PCDH15: variants seen among roughly 807,000 people sequenced by gnomAD.
PCDH15 encodes protocadherin related 15, also known as protocadherin-15.
In PCDH15, 129 loss-of-function variants were observed where a neutral mutation model predicts 178.5. The ratio of observed to expected loss-of-function variants is 0.72; its 90% CI spans 0.63 to 0.84. PCDH15 has a LOEUF of 0.84. Among genes scored for constraint, PCDH15 ranks in the 40% least tolerant of loss-of-function variants. PCDH15 has a pLI of 0.00. For synonymous variants in PCDH15, 800 were observed against 732.0 expected (o/e 1.09, Z -1.50); for missense variants, 2,230 against 2,099.9 (o/e 1.06, Z -1.21).
intron 27 of PCDH15, among the ~76,000 whole-genome samples, chr10:53,866,012 C>A (rs988002220): frequency 2.0e-5 from 3 of 152,074 alleles, no homozygotes. Context: ...AAGCTAATAT[C>A]AAACTTCCCT....
Position 53,805,576 on chromosome 10 carries a change from A to G in PCDH15, c.*1003T>C, listed in dbSNP as rs1245941146. 7.2e-5 allele frequency: 11 copies of G among 152,078 alleles called. No homozygotes were observed. The highest frequency in any genetic ancestry group is 7.2e-4 in the Admixed American group (11 of 15,232). 9.4% of individuals were successfully genotyped at this position (152,078 alleles called of 1,614,324 possible). On this transcript the variant is annotated 3_prime_UTR_variant, in exon 38 of 38. Coordinates refer to ENST00000644397, the MANE Select transcript of PCDH15 (RefSeq NM_001384140.1). The stretch of plus-strand genomic sequence containing the variant: ...AACCTGAAAATGGAAGAAGTTAAAC[A>G]CAACATTTGAAGTTATGAATTCATA...
At chr10:55,002,759 G>A (rs1839822635) in intron 2 of PCDH15, among the ~76,000 whole-genome samples, 1 of 152,186 alleles carries the variant, frequency 6.6e-6, no homozygotes, top group Non-Finnish European at 1.5e-5. Flanking sequence ...GGGCATGTGA[G>A]ATTGTAAAAG....
intron 2 of PCDH15, among the ~76,000 whole-genome samples, chr10:55,611,459 A>T (rs7478673): frequency 0.34 from 51,864 of 151,876 alleles, 8,919 homozygotes; most frequent in Admixed American, 0.38. Context: ...ATGAGATTTC[A>T]CCTTACTCAT....
intron 15 of PCDH15, among the ~76,000 whole-genome samples, chr10:54,107,624 G>C (rs1184919023): frequency 2.0e-5 from 3 of 152,182 alleles, no homozygotes; most frequent in Non-Finnish European, 4.4e-5. Flanking sequence ...ATTGTTAAGA[G>C]TCTAATGAGG....
chr10:54,775,829 T>C (rs1243851154), intron 1 of PCDH15, among the ~76,000 whole-genome samples: 1 of 152,128 alleles, frequency 6.6e-6, no homozygotes, highest in Non-Finnish European at 1.5e-5. Flanking sequence ...GAGCTTGCAG[T>C]GAGCCGAGAT....
intron 2 of PCDH15, among the ~76,000 whole-genome samples, chr10:55,116,491 T>A (rs865950091): frequency 6.6e-6 from 1 of 152,144 alleles, no homozygotes; most frequent in African/African-American, 2.4e-5. Context: ...CGAAGATTCA[T>A]TGCCCAAGAT....
intron 2 of PCDH15, among the ~76,000 whole-genome samples, chr10:55,443,980 C>T (rs558121528): frequency 3.9e-5 from 6 of 151,958 alleles, no homozygotes; most frequent in African/African-American, 1.5e-4. Context: ...TCATGTCCTT[C>T]GAAGGGAAAT....
intron 15 of PCDH15, among the ~76,000 whole-genome samples, chr10:54,111,132 C>G (rs939073213): frequency 6.6e-6 from 1 of 152,060 alleles, no homozygotes; most frequent in Non-Finnish European, 1.5e-5. Context: ...AAAATTACAG[C>G]CTTTATATAC....
intron 2 of PCDH15, among the ~76,000 whole-genome samples, chr10:55,574,696 T>C (rs1172692478): frequency 6.6e-6 from 1 of 151,718 alleles, no homozygotes; most frequent in Non-Finnish European, 1.5e-5. Context: ...GAAAGAAAAA[T>C]ATGGTGATAG....
rs143399727 is a variant in PCDH15 at position 55,116,060 on chromosome 10, G to A, written c.-80+50516C>T. On this transcript the variant is annotated intron_variant, in intron 2 of 5. Coordinates refer to the PCDH15 transcript ENST00000458638. ...CTTTACCCTATTTAAATAAATTTGAGGACACTGTAATCTTAAGGGATTTGT... is the reference window on the plus strand; with the variant it reads ...CTTTACCCTATTTAAATAAATTTGAAGACACTGTAATCTTAAGGGATTTGT... 9.9e-4 allele frequency among the ~76,000 whole-genome samples: 151 copies of A among 152,196 alleles called. 1 individual carries two copies. The highest frequency in any genetic ancestry group is 5.2e-3 in the Admixed American group (79 of 15,278).
chr10:54,220,820 G>A (rs1028402247), intron 9 of PCDH15, among the ~76,000 whole-genome samples: 3 of 136,702 alleles, frequency 2.2e-5, no homozygotes, highest in South Asian at 2.4e-4. Flanking sequence ...GCGAGACTCC[G>A]TCTCAAAATA....
chr10:54,690,148 C>G (rs2095092510), intron 1 of PCDH15, among the ~76,000 whole-genome samples: 2 of 152,230 alleles, frequency 1.3e-5, no homozygotes, highest in African/African-American at 2.4e-5. Context: ...GCTGTCATAA[C>G]ATTATAACAC....
chr10:54,731,563 T>TACACACACAC lies in PCDH15; in HGVS notation c.-28-67283_-28-67274dup, dbSNP rs1159070523. Reference sequence around the variant, plus strand: ...TGAGATAGATATATATATATATATATACACACACACACACACACACACACA... The same window carrying TACACACACAC: ...TGAGATAGATATATATATATATATATACACACACACACACACACACACACACACACACACA... On this transcript the variant is annotated intron_variant, in intron 1 of 37. Transcript: ENST00000644397. Among the ~76,000 whole-genome samples the TACACACACAC allele has an allele frequency of 3.1e-3, 155 of 49,926 alleles. 4 individuals carry two copies. Among genetic ancestry groups the TACACACACAC allele is most frequent in the African/African-American group, 9.1e-3 (140 of 15,436 alleles). 32.8% of individuals were successfully genotyped at this position (49,926 alleles called of 152,430 possible).
intron 2 of PCDH15, among the ~76,000 whole-genome samples, chr10:54,953,636 T>C (rs1292447555): frequency 2.0e-5 from 3 of 151,302 alleles, no homozygotes; most frequent in Non-Finnish European, 4.5e-5. Context: ...TCACTTCTAA[T>C]AGTCTAAAAT....
chr10:53,927,646 A>C (rs1178651990), intron 25 of PCDH15, among the ~76,000 whole-genome samples: 1 of 152,156 alleles, frequency 6.6e-6, no homozygotes, highest in Non-Finnish European at 1.5e-5. Flanking sequence ...AACATAATTT[A>C]CTAGACAAAT....
At chr10:54,555,561 C>A (rs980765539) in intron 2 of PCDH15, among the ~76,000 whole-genome samples, 1 of 136,220 alleles carries the variant, frequency 7.3e-6, no homozygotes, top group Non-Finnish European at 1.6e-5. Flanking sequence ...GAAACCCCCT[C>A]TCTACTAAAA....
chr10:54,335,932 T>C (rs906685570), intron 6 of PCDH15, among the ~76,000 whole-genome samples: 2 of 152,126 alleles, frequency 1.3e-5, no homozygotes, highest in African/African-American at 4.8e-5. Flanking sequence ...GACTTTTTCA[T>C]TGGCTTTGAC....
intron 2 of PCDH15, among the ~76,000 whole-genome samples, chr10:54,534,677 C>A (rs1025964185): frequency 6.6e-6 from 1 of 152,178 alleles, no homozygotes; most frequent in African/African-American, 2.4e-5. Flanking sequence ...AAGTTCAAAG[C>A]AATTTGGCAC....
At chr10:54,759,238 T>C (rs1282659897) in intron 1 of PCDH15, among the ~76,000 whole-genome samples, 1 of 152,200 alleles carries the variant, frequency 6.6e-6, no homozygotes, top group Non-Finnish European at 1.5e-5. Context: ...TTAGAAGTGT[T>C]CAATTCCACT....
Sources: gnomAD v4.1 joint callset for allele counts (sites outside exome capture counted in the v4.1 genomes callset) on GRCh38, gnomAD v4.1.1 for gene constraint, MANE v1.5 for transcripts, NCBI Gene and HGNC (gene_info 2026-07-23, HGNC 2026-07-21) for gene names.